Variants in NTNG1 observed in about 807,000 individuals in gnomAD.
NTNG1 encodes the protein netrin-G1.
In NTNG1, 16 loss-of-function variants were observed where a neutral mutation model predicts 54.0. The observed-to-expected ratio is 0.30, with a 90% CI of 0.20 to 0.45. The LOEUF (loss-of-function observed/expected upper bound fraction) is 0.45, where lower values mean the gene tolerates loss of function less well. Among genes scored for constraint, NTNG1 ranks in the 20% least tolerant of loss-of-function variants. The pLI, the probability that NTNG1 is intolerant of heterozygous loss-of-function variation, is 1.00. For missense variants in NTNG1, 530 were observed against 678.7 expected, an observed-to-expected ratio of 0.78 and a Z score of 2.43; for synonymous variants, 255 against 263.1, an observed-to-expected ratio of 0.97 and a Z score of 0.30.
chr1:107,390,548 G>A (rs1400885907), intron 3 of NTNG1, among the ~76,000 whole-genome samples: 2 of 152,110 alleles, frequency 1.3e-5, no homozygotes, highest in Admixed American at 1.3e-4. Context: ...TTTCTCCAAT[G>A]TAGTGTAAGT....
intron 2 of NTNG1, among the ~76,000 whole-genome samples, chr1:107,158,809 T>A (rs1655193589): frequency 6.6e-6 from 1 of 152,134 alleles, no homozygotes; most frequent in African/African-American, 2.4e-5. Context: ...ATATGAAGCC[T>A]GCCGAGAAGT....
intron 3 of NTNG1, among the ~76,000 whole-genome samples, chr1:107,372,092 A>C (rs1223707192): frequency 1.3e-5 from 2 of 151,962 alleles, no homozygotes; most frequent in Non-Finnish European, 2.9e-5. Context: ...TTAGCTAGAG[A>C]TTCAACTTAA....
At chr1:107,443,158 G>A (rs982191569) in intron 7 of NTNG1, among the ~76,000 whole-genome samples, 1 of 152,074 alleles carries the variant, frequency 6.6e-6, no homozygotes, top group Non-Finnish European at 1.5e-5. Flanking sequence ...GGGAGGCATC[G>A]TGAAGTTGCC....
chr1:107,172,693 A>G (rs549969932), intron 2 of NTNG1, among the ~76,000 whole-genome samples: 7 of 152,196 alleles, frequency 4.6e-5, no homozygotes, highest in Non-Finnish European at 8.8e-5. Context: ...TTAAAAGGAA[A>G]TGGAATTTTT....
At chr1:107,313,091 T>C (rs1667120889) in intron 2 of NTNG1, among the ~76,000 whole-genome samples, 1 of 152,184 alleles carries the variant, frequency 6.6e-6, no homozygotes, top group South Asian at 2.1e-4. Flanking sequence ...CAGTAATATA[T>C]TTTGTAGCAA....
chr1:107,203,915 C>G (rs902019042), intron 2 of NTNG1, among the ~76,000 whole-genome samples: 1 of 151,776 alleles, frequency 6.6e-6, no homozygotes, highest in Admixed American at 6.6e-5. Flanking sequence ...TTATCATTGA[C>G]TCTTACTAGT....
rs184309651 is a variant in NTNG1 at position 107,207,602 on chromosome 1, C to T, written c.246+58763C>T. ...TGGAGAAACTACATTATGTTTAGTA[C>T]CTAAGGTATAAAGGGTGGCTGTTGT... On this transcript the variant is annotated intron_variant, in intron 2 of 7. Transcript: ENST00000370068. Among the ~76,000 whole-genome samples, 185 of 152,212 alleles carry T rather than the reference C, an allele frequency of 1.2e-3. 2 individuals carry two copies. The highest frequency in any genetic ancestry group is 6.8e-3 in the Middle Eastern group (2 of 294).
At chr1:107,292,629 G>A (rs1665685477) in intron 2 of NTNG1, among the ~76,000 whole-genome samples, 1 of 152,120 alleles carries the variant, frequency 6.6e-6, no homozygotes, top group African/African-American at 2.4e-5. Flanking sequence ...TGCTCACTAA[G>A]AGGCAAAATG....
chr1:107,307,313 C>T (rs1262708487), intron 2 of NTNG1, among the ~76,000 whole-genome samples: 3 of 152,150 alleles, frequency 2.0e-5, no homozygotes, highest in Non-Finnish European at 2.9e-5. Flanking sequence ...AGGTGACACA[C>T]TGGACCCTAC....
intron 2 of NTNG1, among the ~76,000 whole-genome samples, chr1:107,323,550 C>G (rs1490540130): frequency 6.6e-6 from 1 of 151,426 alleles, no homozygotes; most frequent in Non-Finnish European, 1.5e-5. Flanking sequence ...AGCCTCCTAA[C>G]TGAGTAGTAC....
At chr1:107,298,159 C>G (rs1666095185) in intron 2 of NTNG1, among the ~76,000 whole-genome samples, 1 of 152,088 alleles carries the variant, frequency 6.6e-6, no homozygotes, top group South Asian at 2.1e-4. Context: ...AAATGTATTT[C>G]TGAATTCTGG....
chr1:107,273,182 A>G (rs927759216), intron 2 of NTNG1, among the ~76,000 whole-genome samples: 9 of 152,190 alleles, frequency 5.9e-5, no homozygotes, highest in African/African-American at 2.2e-4. Flanking sequence ...ACATCAAGGT[A>G]GGGGGGTCCT....
intron 7 of NTNG1, among the ~76,000 whole-genome samples, chr1:107,452,741 G>T (rs974545681): frequency 2.0e-5 from 3 of 152,106 alleles, no homozygotes; most frequent in African/African-American, 7.2e-5. Flanking sequence ...ATACAATGAA[G>T]CAGGAATACC....
chr1:107,297,246 T>TATATATATATATATATAC (rs1239725449), intron 2 of NTNG1, among the ~76,000 whole-genome samples: 1 of 67,274 alleles, frequency 1.5e-5, no homozygotes, highest in Non-Finnish European at 3.0e-5. Context: ...TATATATATA[T>TATATATATATATATATAC]GCGCACACAC....
rs550672013 is a variant in NTNG1 at position 107,300,453 on chromosome 1, G to C, written c.247-23829G>C. ...ATCTAGTTCCCCAGTTCACCTCTGC[G>C]CCAACACTCAATTATTCTTTTACAC... On this transcript the variant is annotated intron_variant, in intron 2 of 7. Coordinates refer to ENST00000370068, the MANE Select transcript of NTNG1 (RefSeq NM_001113226.3). Among the ~76,000 whole-genome samples, 189 of 152,212 alleles carry C rather than the reference G, an allele frequency of 1.2e-3. 1 individual carries two copies. Among genetic ancestry groups the C allele is most frequent in the African/African-American group, 4.4e-3 (184 of 41,536 alleles).
At chr1:107,162,479 G>A (rs1472283603) in intron 2 of NTNG1, among the ~76,000 whole-genome samples, 1 of 152,032 alleles carries the variant, frequency 6.6e-6, no homozygotes, top group African/African-American at 2.4e-5. Flanking sequence ...TATGTACTAT[G>A]CCTCTTAATG....
At chr1:107,459,243 T>C (rs886780830) in intron 7 of NTNG1, among the ~76,000 whole-genome samples, 2 of 152,212 alleles carry the variant, frequency 1.3e-5, no homozygotes, top group Non-Finnish European at 2.9e-5. Flanking sequence ...TTAATTTTAT[T>C]TGAGTCCTAA....
intron 5 of NTNG1, among the ~76,000 whole-genome samples, chr1:107,429,947 C>T (rs974350841): frequency 1.1e-4 from 17 of 152,144 alleles, no homozygotes; most frequent in Non-Finnish European, 1.5e-4. Context: ...CACTCCTAAG[C>T]CTCAGAGACA....
chr1:107,222,997 A>G (rs1660449749), intron 2 of NTNG1, among the ~76,000 whole-genome samples: 1 of 151,950 alleles, frequency 6.6e-6, no homozygotes, highest in African/African-American at 2.4e-5. Context: ...TTTTTGAGCC[A>G]ATGCTTCTCT....
Sources: allele counts gnomAD v4.1 joint callset (sites outside exome capture counted in the v4.1 genomes callset), GRCh38; gene constraint gnomAD v4.1.1; transcripts MANE v1.5; gene names NCBI Gene and HGNC (gene_info 2026-07-23, HGNC 2026-07-21).